ISM1: variants seen among roughly 807,000 people sequenced by gnomAD.
The protein encoded by ISM1 is isthmin 1.
In ISM1, 25 loss-of-function variants were observed where a neutral mutation model predicts 46.3. The observed-to-expected ratio is 0.54, with a 90% confidence interval of 0.39 to 0.75. ISM1 has a LOEUF of 0.75. Among genes scored for constraint, ISM1 ranks in the 30% least tolerant of loss-of-function variants. The pLI is 0.00. For missense variants in ISM1, 536 were observed against 625.4 expected (o/e 0.86, Z 1.52); for synonymous variants, 255 against 256.7 (o/e 0.99, Z 0.06).
chr20:13,308,146 C>T, the ISM1 span, among the ~76,000 whole-genome samples: 8,398 of 152,242 alleles, frequency 0.055, 318 homozygotes, highest in Admixed American at 0.092. Context: ...TCAATACGTG[C>T]ATACTGAGCC....
At chr20:13,322,627 C>T in the ISM1 span, among the ~76,000 whole-genome samples, 1 of 152,128 alleles carries the variant, frequency 6.6e-6, no homozygotes, top group South Asian at 2.1e-4. Context: ...AAAGAAAAGC[C>T]CAAGACCCAG....
chr20:13,274,550 C>G (rs1434324456), intron 2 of ISM1, among the ~76,000 whole-genome samples: 1 of 152,188 alleles, frequency 6.6e-6, no homozygotes, highest in African/African-American at 2.4e-5. Context: ...CACCTCCCCA[C>G]CCCTTCAGGC....
chr20:13,279,248 A>C (rs562766630), intron 2 of ISM1, among the ~76,000 whole-genome samples: 76 of 152,340 alleles, frequency 5.0e-4, no homozygotes, highest in Non-Finnish European at 8.7e-4. Flanking sequence ...GAACAAATAT[A>C]GTACATGTTT....
intron 2 of ISM1, among the ~76,000 whole-genome samples, chr20:13,277,466 G>T (rs145784303): frequency 6.6e-6 from 1 of 151,998 alleles, no homozygotes. Context: ...GCTCAGCATC[G>T]CCCTGTCACT....
At chr20:13,224,052 C>T (rs987218664) in intron 1 of ISM1, among the ~76,000 whole-genome samples, 1 of 151,830 alleles carries the variant, frequency 6.6e-6, no homozygotes, top group South Asian at 2.1e-4. Flanking sequence ...AAGAACTGCC[C>T]CAAGAGGACA....
chr20:13,244,718 A>G (rs1396386485), intron 1 of ISM1, among the ~76,000 whole-genome samples: 4 of 152,206 alleles, frequency 2.6e-5, no homozygotes, highest in African/African-American at 4.8e-5. Flanking sequence ...TTCTATTGAG[A>G]AGACATGTCC....
chr20:13,319,690 T>C, the ISM1 span, among the ~76,000 whole-genome samples: 20 of 152,348 alleles, frequency 1.3e-4, no homozygotes, highest in Non-Finnish European at 2.8e-4. Context: ...GGGTTAAGTT[T>C]TGGCTACAGG....
intron 1 of ISM1, among the ~76,000 whole-genome samples, chr20:13,244,603 G>A (rs1486663640): frequency 2.6e-5 from 4 of 152,164 alleles, no homozygotes; most frequent in Middle Eastern, 3.2e-3. Context: ...GCTTATTCCA[G>A]TTCACAGGCA....
intron 2 of ISM1, 99 bp from the exon 3 acceptor site, chr20:13,279,535 C>A: frequency 8.5e-7 from 1 of 1,175,190 alleles, no homozygotes; most frequent in Non-Finnish European, 1.2e-6. Flanking sequence ...ACGGATGCAT[C>A]CATCATTTCC....
downstream of ISM1, among the ~76,000 whole-genome samples, chr20:13,302,892 C>G (rs1360976198): frequency 6.6e-6 from 1 of 152,104 alleles, no homozygotes; most frequent in African/African-American, 2.4e-5. Flanking sequence ...GGACCCAGTT[C>G]ATGTAACCGC....
chr20:13,240,622 G>C (rs1375066591), intron 1 of ISM1, among the ~76,000 whole-genome samples: 1 of 152,228 alleles, frequency 6.6e-6, no homozygotes, highest in Non-Finnish European at 1.5e-5. Context: ...GGCTGTTCTA[G>C]GATTGGTGAG....
chr20:13,316,283 A>AATTGAT, the ISM1 span, among the ~76,000 whole-genome samples: 1 of 151,996 alleles, frequency 6.6e-6, no homozygotes, highest in Non-Finnish European at 1.5e-5. Flanking sequence ...TCTATTAAGG[A>AATTGAT]AATTGAATTG....
intron 1 of ISM1, chr20:13,238,886 A>G (rs1368626125): frequency 1.3e-5 from 2 of 152,208 alleles, no homozygotes; most frequent in African/African-American, 2.4e-5. Flanking sequence ...TACTCCTGAA[A>G]AGGTTCAGCT....
At chr20:13,292,297 TA>T (rs1453417595) in intron 4 of ISM1, 76 bp from the exon 5 acceptor site, 1 of 876,850 alleles carries the variant, frequency 1.1e-6, no homozygotes, top group Non-Finnish European at 1.8e-6. Context: ...CAGGTGTATT[TA>T]TTTTTTTATT....
chr20:13,276,553 C>CT, intron 2 of ISM1, among the ~76,000 whole-genome samples: 4 of 152,234 alleles, frequency 2.6e-5, no homozygotes, highest in African/African-American at 9.6e-5. Context: ...AGTTCCCTTT[C>CT]TTTTATCATC....
At chr20:13,285,314 G>GAAA (rs73619823) in intron 3 of ISM1, among the ~76,000 whole-genome samples, 1 of 150,416 alleles carries the variant, frequency 6.6e-6, no homozygotes. Context: ...AAAAAGAAAG[G>GAAA]AAAAAAAAAG....
At chr20:13,275,814 T>C (rs1391294351) in intron 2 of ISM1, among the ~76,000 whole-genome samples, 1 of 152,154 alleles carries the variant, frequency 6.6e-6, no homozygotes, top group East Asian at 1.9e-4. Flanking sequence ...AAAAAATTAA[T>C]TGGGAATCAG....
intron 1 of ISM1, among the ~76,000 whole-genome samples, chr20:13,242,372 GT>G (rs1222304142): frequency 6.6e-6 from 1 of 152,112 alleles, no homozygotes; most frequent in Non-Finnish European, 1.5e-5. Flanking sequence ...TTCAGTTTTT[GT>G]TTTTATTTTT....
chr20:13,312,625 T>C, the ISM1 span, among the ~76,000 whole-genome samples: 1 of 152,166 alleles, frequency 6.6e-6, no homozygotes, highest in Non-Finnish European at 1.5e-5. Context: ...TCTCCTGCTC[T>C]CCTGCCTCTG....
Sources: allele counts gnomAD v4.1 joint callset (sites outside exome capture counted in the v4.1 genomes callset), GRCh38; gene constraint gnomAD v4.1.1; transcripts MANE v1.5; gene names NCBI Gene and HGNC (gene_info 2026-07-23, HGNC 2026-07-21).